The following PKMYT1 variants were observed in gnomAD, a reference collection of about 807,000 sequenced individuals.
The protein encoded by PKMYT1 is protein kinase, membrane associated tyrosine/threonine 1, also known as membrane-associated tyrosine- and threonine-specific cdc2-inhibitory kinase.
PKMYT1 carries 35 observed loss-of-function variants against 49.7 expected under a neutral mutation model. The observed-to-expected ratio is 0.70, with a 90% confidence interval of 0.54 to 0.93. The LOEUF (loss-of-function observed/expected upper bound fraction) is 0.93. Ranked by LOEUF, PKMYT1 falls within the 40% of genes least tolerant of loss-of-function variation. The probability of loss-of-function intolerance (pLI) is 0.00; values close to 1 mark genes in which losing one functional copy is unlikely to be tolerated. For missense variants in PKMYT1, 677 were observed against 673.1 expected, an observed-to-expected ratio of 1.01 and a Z score of -0.06; for synonymous variants, 331 against 287.6, an observed-to-expected ratio of 1.15 and a Z score of -1.53.
At chr16:2,974,496 C>T in intron 5 of PKMYT1, 54 bp downstream of exon 5, 1 of 1,536,572 alleles carries the variant, frequency 6.5e-7, no homozygotes, top group Non-Finnish European at 8.8e-7. Flanking sequence ...CATGGCCAGC[C>T]ACTATCTCCC....
chr16:2,979,688 G>C lies in PKMYT1; in HGVS notation c.-31C>G, dbSNP rs1396339487. ...GCCTGGCCCAACAGCCTCAGTGGTG[G>C]GACGGGGGAGGCAGGAGCAGGGGCT... On this transcript the variant is annotated 5_prime_UTR_variant, in exon 2 of 9. Transcript: ENST00000262300. The C allele has an allele frequency of 6.2e-7, 1 of 1,613,794 alleles. No homozygotes were observed. The highest frequency in any genetic ancestry group is 8.5e-7 in the Non-Finnish European group (1 of 1,179,870).
At chr16:2,973,869 G>T in intron 7 of PKMYT1, 131 bp downstream of exon 7, 5 of 1,022,024 alleles carry the variant, frequency 4.9e-6, no homozygotes, top group Non-Finnish European at 7.2e-6. Flanking sequence ...CCCCAGTCTT[G>T]GTCCCCTTCC....
chr16:2,972,812 G>A lies in PKMYT1; in HGVS notation c.*141C>T, dbSNP rs1567381148. 1.3e-6 allele frequency: 2 copies of A among 1,538,838 alleles called. No individual in the cohort carries two copies. The highest frequency in any genetic ancestry group is 1.4e-5 in the African/African-American group (1 of 72,792). On this transcript the variant is annotated 3_prime_UTR_variant, in exon 9 of 9. Coordinates refer to ENST00000262300, the MANE Select transcript of PKMYT1 (RefSeq NM_004203.5). Reference sequence around the variant, plus strand: ...CATGTTGCCACATGAGCAAGCTTGGGTGCTCCCAAGGTTCAAATACTTTTT... The same window carrying A: ...CATGTTGCCACATGAGCAAGCTTGGATGCTCCCAAGGTTCAAATACTTTTT...
At position 2,974,628 on chromosome 16, in the gene PKMYT1, A is replaced by G. The variant is rs1346435168; in HGVS notation, c.901T>C (p.Cys301Arg). 6 of 1,572,254 alleles carry G rather than the reference A, an allele frequency of 3.8e-6. 1 individual carries two copies. Among genetic ancestry groups the G allele is most frequent in the South Asian group, 3.5e-5 (3 of 85,822 alleles). Residue 301 changes from cysteine (C) to arginine (R), a missense_variant, in exon 5 of 9, where the codon TGC (cysteine) becomes CGC (arginine). Coordinates refer to ENST00000262300, the MANE Select transcript of PKMYT1 (RefSeq NM_004203.5). Reference sequence around the variant, plus strand: ...CCACCGTGGGGCAGCTCCATGTTGCATGCCACTTCCAGGATGGTGAGGCCC... The same window carrying G: ...CCACCGTGGGGCAGCTCCATGTTGCGTGCCACTTCCAGGATGGTGAGGCCC... ...SLGLTILEVA[C>R]NMELPHGGEG... is the part of the protein sequence containing the mutation.
chr16:2,976,956 G>A lies in PKMYT1; in HGVS notation c.86C>T (p.Pro29Leu). The change falls in exon 3 of 9, where the codon CCA (proline) becomes CTA (leucine). Residue 29 changes from proline to leucine, a missense_variant. By Grantham distance (98) the Pro-to-Leu change is moderately conservative. Coordinates refer to ENST00000262300, the MANE Select transcript of PKMYT1 (RefSeq NM_004203.5). ...PPLSGTPIPV[P>L]AYFRHAEPGF... ...AGGTTCTGCGTGGCGGAAGTAGGCT[G>A]GGACTGGGATGGGGGTGCCACTCAG... The A allele has an allele frequency of 1.9e-6, 3 of 1,554,804 alleles. No individual in the cohort carries two copies. The highest frequency in any genetic ancestry group is 2.6e-6 in the Non-Finnish European group (3 of 1,148,184).
Position 2,975,315 on chromosome 16 carries a change from C to T in PKMYT1, c.872+4G>A. The T allele has an allele frequency of 6.2e-7, 1 of 1,607,304 alleles. No individual in the cohort carries two copies. The highest frequency in any genetic ancestry group is 2.2e-5 in the East Asian group (1 of 44,644). ...CCAAACACCTGGCGTGCCCCGGTCCCCACCTGAACACATCCGCTGCTGTCC... is the reference window on the plus strand; with the variant it reads ...CCAAACACCTGGCGTGCCCCGGTCCTCACCTGAACACATCCGCTGCTGTCC... On this transcript the variant is annotated splice_donor_region_variant and intron_variant, in intron 4 of 8. Coordinates refer to ENST00000262300, the MANE Select transcript of PKMYT1 (RefSeq NM_004203.5).
At chr16:2,979,432 C>A in intron 2 of PKMYT1, 1 of 581,388 alleles carries the variant, frequency 1.7e-6, no homozygotes, top group African/African-American at 1.9e-5. Flanking sequence ...CTGGGCCTGG[C>A]TGGCAGGCTG....
intron 3 of PKMYT1, chr16:2,976,084 A>C (rs564819968): frequency 1.3e-4 from 54 of 428,866 alleles, no homozygotes; most frequent in Non-Finnish European, 1.9e-4. Flanking sequence ...GAGGTGGAAA[A>C]AGCAGCTGCA....
At chr16:2,977,073 ACT>A in intron 2 of PKMYT1, 42 bp from the exon 3 acceptor site, 1 of 1,587,948 alleles carries the variant, frequency 6.3e-7, no homozygotes, top group Non-Finnish European at 8.5e-7. Flanking sequence ...CAGCATGTCC[ACT>A]CTGATACCAC....
intron 4 of PKMYT1, 151 bp from the exon 5 acceptor site, chr16:2,974,807 G>A: frequency 1.6e-6 from 1 of 610,298 alleles, no homozygotes; most frequent in Non-Finnish European, 2.9e-6. Context: ...CACCCCAACA[G>A]GCCTGATCAT....
Position 2,975,768 on chromosome 16 carries a change from G to A in PKMYT1, c.423C>T (p.Ser141=), listed in dbSNP as rs1390461992. ...CCTTGGGGCCCCGGAATGGTGACAT[G>A]GAACGCTTTACCGCATAGAGCCGGC... ...EDGRLYAVKR[S]MSPFRGPKDR... is the part of the protein sequence containing the mutation. The change falls in exon 4 of 9, where the codon TCC becomes TCT. Residue 141 remains serine, a synonymous_variant. Coordinates refer to ENST00000262300, the MANE Select transcript of PKMYT1 (RefSeq NM_004203.5). 1 of 1,599,924 alleles carries A rather than the reference G, an allele frequency of 6.3e-7. No homozygotes were observed. Among genetic ancestry groups the A allele is most frequent in the Non-Finnish European group, 8.5e-7 (1 of 1,179,822 alleles).
intron 7 of PKMYT1, among the ~76,000 whole-genome samples, 189 bp downstream of exon 7, chr16:2,973,811 C>T (rs534395839): frequency 4.6e-5 from 7 of 152,300 alleles, no homozygotes; most frequent in Non-Finnish European, 7.4e-5. Flanking sequence ...ATGCCCTGAA[C>T]GGCCAGTCCA....
At chr16:2,977,731 C>A (rs571569013) in intron 2 of PKMYT1, among the ~76,000 whole-genome samples, 1 of 152,216 alleles carries the variant, frequency 6.6e-6, no homozygotes, top group Non-Finnish European at 1.5e-5. Context: ...ACCTCCAGCA[C>A]CCCTCTCCCC....
At chr16:2,975,985 C>A in intron 3 of PKMYT1, 173 bp from the exon 4 acceptor site, 1 of 710,468 alleles carries the variant, frequency 1.4e-6, no homozygotes, top group Non-Finnish European at 2.3e-6. Context: ...GACAAACCTC[C>A]ATCCCTCGGG....
intron 2 of PKMYT1, among the ~76,000 whole-genome samples, chr16:2,977,933 C>T: frequency 6.6e-6 from 1 of 152,214 alleles, no homozygotes; most frequent in East Asian, 1.9e-4. Flanking sequence ...TTCCACCTGC[C>T]CCCAAGCATA....
At chr16:2,979,491 C>G in intron 2 of PKMYT1, 157 bp downstream of exon 2, 1 of 660,834 alleles carries the variant, frequency 1.5e-6, no homozygotes, top group African/African-American at 1.8e-5. Context: ...ACCTCAGAGT[C>G]CCAGCCCAGG....
intron 4 of PKMYT1, 40 bp from the exon 5 acceptor site, chr16:2,974,696 G>T: frequency 7.3e-7 from 1 of 1,378,906 alleles, no homozygotes; most frequent in Non-Finnish European, 1.0e-6. Context: ...GGCAGGGTTG[G>T]CCCTGGGACA....
At chr16:2,975,295 C>A in intron 4 of PKMYT1, 24 bp downstream of exon 4, 1 of 1,579,912 alleles carries the variant, frequency 6.3e-7, no homozygotes, top group Non-Finnish European at 8.6e-7. Context: ...GCCTGCCAAA[C>A]ACCTGGCGTG....
At chr16:2,977,399 G>C in intron 2 of PKMYT1, 1 of 964,930 alleles carries the variant, frequency 1.0e-6, no homozygotes, top group East Asian at 1.2e-4. Flanking sequence ...CCTCTTCCGA[G>C]ACTACACGGG....
Sources: allele counts gnomAD v4.1 joint callset (sites outside exome capture counted in the v4.1 genomes callset), GRCh38; gene constraint gnomAD v4.1.1; transcripts MANE v1.5; gene names NCBI Gene and HGNC (gene_info 2026-07-23, HGNC 2026-07-21).